The following PHF24 variants were observed in gnomAD, a reference collection of about 807,000 sequenced individuals.
PHF24 encodes PHD finger protein 24.
PHF24 carries 25 observed loss-of-function variants against 42.6 expected under a neutral mutation model. The ratio of observed to expected loss-of-function variants is 0.59; its 90% CI spans 0.43 to 0.82. The LOEUF is 0.82. Among genes scored for constraint, PHF24 ranks in the 40% least tolerant of loss-of-function variants. The pLI is 0.00. For missense variants in PHF24, 470 were observed against 538.1 expected (o/e 0.87, Z 1.25); for synonymous variants, 185 against 204.8 (o/e 0.90, Z 0.83).
At chr9:34,935,983 A>G in the PHF24 span, among the ~76,000 whole-genome samples, 1 of 150,804 alleles carries the variant, frequency 6.6e-6, no homozygotes, top group Admixed American at 6.6e-5. Flanking sequence ...TCTAGGGTGA[A>G]TAAGAGTCCT....
the PHF24 span, among the ~76,000 whole-genome samples, chr9:34,804,226 T>C: frequency 6.6e-6 from 1 of 152,212 alleles, no homozygotes; most frequent in Non-Finnish European, 1.5e-5. Flanking sequence ...GAAAGAGAGT[T>C]CAGCAATCTG....
chr9:34,812,913 A>G, the PHF24 span, among the ~76,000 whole-genome samples: 2 of 152,124 alleles, frequency 1.3e-5, no homozygotes, highest in Non-Finnish European at 2.9e-5. Context: ...CCATTTTCAG[A>G]AGTTTCTTTT....
chr9:34,866,683 T>C, the PHF24 span, among the ~76,000 whole-genome samples: 1 of 152,180 alleles, frequency 6.6e-6, no homozygotes, highest in African/African-American at 2.4e-5. Flanking sequence ...CTCCTGCTCA[T>C]TGAGGAAATC....
At chr9:34,840,092 T>C in the PHF24 span, among the ~76,000 whole-genome samples, 1 of 152,148 alleles carries the variant, frequency 6.6e-6, no homozygotes, top group African/African-American at 2.4e-5. Flanking sequence ...GTGGGAAAGA[T>C]TGGAGGAGCA....
the PHF24 span, among the ~76,000 whole-genome samples, chr9:34,819,593 A>G: frequency 1.2e-4 from 19 of 152,206 alleles, no homozygotes; most frequent in African/African-American, 4.6e-4. Context: ...TTAGTTTCCA[A>G]ATATTTGAGG....
the PHF24 span, chr9:34,681,300 T>A: frequency 1.3e-5 from 2 of 152,224 alleles, no homozygotes; most frequent in Non-Finnish European, 2.9e-5. Flanking sequence ...CCTAGCCTAT[T>A]CTGACCAATC....
chr9:34,834,684 C>A, the PHF24 span: 1 of 1,546,356 alleles, frequency 6.5e-7, no homozygotes, highest in East Asian at 2.5e-5. Flanking sequence ...CTCTGGAGGG[C>A]AGCTGGCCAG....
the PHF24 span, among the ~76,000 whole-genome samples, chr9:34,715,544 G>T: frequency 6.6e-6 from 1 of 152,164 alleles, no homozygotes; most frequent in Non-Finnish European, 1.5e-5. Flanking sequence ...CGAGATGTGG[G>T]TCTCCACCTA....
At chr9:34,761,961 C>G in the PHF24 span, among the ~76,000 whole-genome samples, 1 of 151,848 alleles carries the variant, frequency 6.6e-6, no homozygotes, top group African/African-American at 2.4e-5. Flanking sequence ...GTTTTTTGTT[C>G]TTGCGATAGT....
At chr9:34,788,009 A>G in the PHF24 span, among the ~76,000 whole-genome samples, 1 of 152,154 alleles carries the variant, frequency 6.6e-6, no homozygotes, top group Non-Finnish European at 1.5e-5. Context: ...AAATCACCCC[A>G]AATCCCATCA....
chr9:34,939,532 C>A, the PHF24 span, among the ~76,000 whole-genome samples: 1 of 152,120 alleles, frequency 6.6e-6, no homozygotes, highest in Non-Finnish European at 1.5e-5. Context: ...ACGTAGAATT[C>A]TCAGGCCAGA....
At chr9:34,691,538 T>C in the PHF24 span, among the ~76,000 whole-genome samples, 6,792 of 152,308 alleles carry the variant, frequency 0.045, 234 homozygotes, top group South Asian at 0.067. Context: ...TGTCATCCCA[T>C]TGATGGCATT....
At chr9:34,702,397 G>T in the PHF24 span, among the ~76,000 whole-genome samples, 1 of 152,152 alleles carries the variant, frequency 6.6e-6, no homozygotes, top group East Asian at 1.9e-4. Flanking sequence ...GGCTGCTTAG[G>T]CCTTCACAAG....
At chr9:34,775,946 C>A in the PHF24 span, among the ~76,000 whole-genome samples, 1 of 152,120 alleles carries the variant, frequency 6.6e-6, no homozygotes, top group Admixed American at 6.5e-5. Flanking sequence ...TATGTTGCCA[C>A]GTGGATGAAC....
the PHF24 span, among the ~76,000 whole-genome samples, chr9:34,916,251 A>G: frequency 3.3e-5 from 5 of 152,074 alleles, no homozygotes; most frequent in South Asian, 2.1e-4. Flanking sequence ...TGTAGTGTCT[A>G]TTTGAGAAAC....
At chr9:34,874,856 G>A in the PHF24 span, among the ~76,000 whole-genome samples, 1 of 151,754 alleles carries the variant, frequency 6.6e-6, no homozygotes, top group Admixed American at 6.6e-5. Context: ...ATATTTAAGG[G>A]GTACTTGAGA....
At chr9:34,765,699 C>T in the PHF24 span, among the ~76,000 whole-genome samples, 3 of 151,690 alleles carry the variant, frequency 2.0e-5, no homozygotes, top group Non-Finnish European at 2.9e-5. Flanking sequence ...AGCCCATTTA[C>T]ATTTAAAGTT....
the PHF24 span, among the ~76,000 whole-genome samples, chr9:34,800,240 G>C: frequency 6.6e-6 from 1 of 152,190 alleles, no homozygotes; most frequent in Non-Finnish European, 1.5e-5. Context: ...AAGATGGTGT[G>C]AGGTAATGAA....
chr9:34,759,497 G>A, the PHF24 span, among the ~76,000 whole-genome samples: 1 of 152,282 alleles, frequency 6.6e-6, no homozygotes, highest in East Asian at 1.9e-4. Context: ...CTTCTGTCCA[G>A]TGTTGGGTGT....
Sources: allele counts gnomAD v4.1 joint callset (sites outside exome capture counted in the v4.1 genomes callset), GRCh38; gene constraint gnomAD v4.1.1; transcripts MANE v1.5; gene names NCBI Gene and HGNC (gene_info 2026-07-23, HGNC 2026-07-21).